The following BMPER variants were observed in gnomAD, a reference collection of about 807,000 sequenced individuals.
BMPER encodes BMP-binding endothelial regulator protein.
A neutral mutation model predicts 87.3 loss-of-function variants in BMPER; 45 were observed. The observed-to-expected ratio is 0.52, with a 90% CI of 0.41 to 0.66. The LOEUF (loss-of-function observed/expected upper bound fraction) is 0.66, where lower values mean the gene tolerates loss of function less well. Ranked by LOEUF, BMPER falls within the 30% of genes least tolerant of loss-of-function variation. The probability of loss-of-function intolerance (pLI) is 0.00; values close to 1 mark genes in which losing one functional copy is unlikely to be tolerated. For missense variants in BMPER, 784 were observed against 867.5 expected, an observed-to-expected ratio of 0.90 and a Z score of 1.21; for synonymous variants, 326 against 316.2, an observed-to-expected ratio of 1.03 and a Z score of -0.33.
At chr7:33,940,678 G>A (rs1784729304) in intron 3 of BMPER, among the ~76,000 whole-genome samples, 2 of 151,976 alleles carry the variant, frequency 1.3e-5, no homozygotes, top group Admixed American at 6.6e-5. Context: ...ACAAGAGCCT[G>A]CATGCTCATG....
At chr7:33,935,473 G>T (rs894174220) in intron 2 of BMPER, among the ~76,000 whole-genome samples, 1 of 152,168 alleles carries the variant, frequency 6.6e-6, no homozygotes, top group Non-Finnish European at 1.5e-5. Flanking sequence ...CTCCACAGGG[G>T]GTTGTAATGT....
At chr7:34,061,950 G>GTTTTTTTTT in intron 10 of BMPER, 52 bp from the exon 11 acceptor site, 2 of 1,171,666 alleles carry the variant, frequency 1.7e-6, no homozygotes, top group Non-Finnish European at 2.4e-6. Flanking sequence ...AGGAGACCCT[G>GTTTTTTTTT]TTTTTTTTTT....
At chr7:34,061,945 A>AC in intron 10 of BMPER, 57 bp from the exon 11 acceptor site, 1 of 1,044,024 alleles carries the variant, frequency 9.6e-7, no homozygotes, top group Non-Finnish European at 1.4e-6. Flanking sequence ...TCCTCAGGAG[A>AC]CCCTGTTTTT....
intron 6 of BMPER, among the ~76,000 whole-genome samples, chr7:33,994,163 A>C (rs973005229): frequency 1.7e-4 from 26 of 152,182 alleles, no homozygotes; most frequent in South Asian, 6.2e-4. Flanking sequence ...TCGAGCTTCC[A>C]GGCTGCTTTG....
intron 11 of BMPER, chr7:34,067,228 T>G (rs1244287103): frequency 2.6e-5 from 4 of 152,120 alleles, no homozygotes; most frequent in Non-Finnish European, 5.9e-5. Context: ...CAGGCTGCAT[T>G]GGTGTGCCTG....
intron 14 of BMPER, among the ~76,000 whole-genome samples, chr7:34,149,674 G>C (rs1345866013): frequency 3.9e-5 from 6 of 152,132 alleles, no homozygotes; most frequent in Non-Finnish European, 8.8e-5. Flanking sequence ...GTCAGCAGAA[G>C]AACCAGGAGA....
rs1277935583 is a variant in BMPER, at chr7:33,951,712, G to T, written c.319+14324G>T. On this transcript the variant is annotated intron_variant, in intron 3 of 14. Transcript: ENST00000649409. ...GTTGGATAAAAGGGAATAAGAGAAA[G>T]ATGGGAAAATTGGAACTAAGTTTCA... Among the ~76,000 whole-genome samples, 5 of 152,168 alleles carry T rather than the reference G, an allele frequency of 3.3e-5. No homozygotes were observed. In the East Asian group the frequency reaches 9.6e-4, roughly 29 times the overall value.
intron 7 of BMPER, among the ~76,000 whole-genome samples, chr7:34,048,875 T>C (rs1332479202): frequency 6.6e-6 from 1 of 152,190 alleles, no homozygotes; most frequent in Non-Finnish European, 1.5e-5. Flanking sequence ...GAATGTTTTA[T>C]CTTATGTTGG....
At chr7:33,912,202 T>C (rs149542324) in intron 2 of BMPER, among the ~76,000 whole-genome samples, 95 of 152,328 alleles carry the variant, frequency 6.2e-4, no homozygotes, top group South Asian at 1.0e-3. Context: ...TTTACATCTC[T>C]ATGCCTGTGG....
intron 3 of BMPER, among the ~76,000 whole-genome samples, chr7:33,956,326 A>G (rs1250771013): frequency 6.6e-6 from 1 of 152,224 alleles, no homozygotes; most frequent in Non-Finnish European, 1.5e-5. Context: ...ATGAAGAGAC[A>G]TTTCATCAGA....
intron 2 of BMPER, among the ~76,000 whole-genome samples, chr7:33,911,273 G>T (rs757325940): frequency 1.3e-5 from 2 of 152,236 alleles, no homozygotes; most frequent in South Asian, 2.1e-4. Flanking sequence ...GACTAGTTCT[G>T]AGAGTTATTC....
At chr7:33,993,622 C>G (rs956195002) in intron 6 of BMPER, among the ~76,000 whole-genome samples, 1 of 152,092 alleles carries the variant, frequency 6.6e-6, no homozygotes, top group African/African-American at 2.4e-5. Context: ...CTCAGCTCGT[C>G]AAAGTCATTC....
intron 7 of BMPER, 102 bp from the exon 8 acceptor site, chr7:34,051,759 G>A: frequency 9.9e-7 from 1 of 1,014,502 alleles, no homozygotes; most frequent in South Asian, 1.3e-5. Context: ...GACTTACGTG[G>A]TCTTATAAGA....
chr7:34,149,166 A>C (rs1414189741), intron 14 of BMPER, among the ~76,000 whole-genome samples: 1 of 152,118 alleles, frequency 6.6e-6, no homozygotes, highest in Non-Finnish European at 1.5e-5. Flanking sequence ...GGTACTTGTC[A>C]CAGTGACCCC....
chr7:33,971,130 T>G (rs890257453), intron 5 of BMPER, among the ~76,000 whole-genome samples: 1 of 152,062 alleles, frequency 6.6e-6, no homozygotes, highest in Non-Finnish European at 1.5e-5. Flanking sequence ...TTGTTTTTTT[T>G]TTTCTGAGTG....
At chr7:34,110,143 C>G (rs1164266941) in intron 13 of BMPER, among the ~76,000 whole-genome samples, 1 of 152,064 alleles carries the variant, frequency 6.6e-6, no homozygotes, top group Non-Finnish European at 1.5e-5. Context: ...CTTTGCTGGG[C>G]GTGTATCCAT....
intron 6 of BMPER, among the ~76,000 whole-genome samples, chr7:34,011,875 C>T (rs1431404693): frequency 6.6e-6 from 1 of 151,804 alleles, no homozygotes; most frequent in Admixed American, 6.6e-5. Context: ...AGATTTGAGT[C>T]AGCTAGGGTG....
chr7:34,131,259 T>C (rs1476500375), intron 13 of BMPER, among the ~76,000 whole-genome samples: 1 of 152,092 alleles, frequency 6.6e-6, no homozygotes, highest in Admixed American at 6.5e-5. Context: ...TAGCACCCTG[T>C]TTAGGTCCAG....
chr7:33,986,899 C>A (rs1189084337), intron 6 of BMPER, among the ~76,000 whole-genome samples: 1 of 152,104 alleles, frequency 6.6e-6, no homozygotes, highest in Non-Finnish European at 1.5e-5. Flanking sequence ...TACCTCTGGG[C>A]CTGCGGCTTT....
Sources: gnomAD v4.1 joint callset for allele counts (sites outside exome capture counted in the v4.1 genomes callset) on GRCh38, gnomAD v4.1.1 for gene constraint, MANE v1.5 for transcripts, NCBI Gene and HGNC (gene_info 2026-07-23, HGNC 2026-07-21) for gene names.